Variants in NUP205 observed in about 807,000 individuals in gnomAD.
The protein encoded by NUP205 is nucleoporin 205, also known as nuclear pore complex protein Nup205.
In NUP205, 76 loss-of-function variants were observed where a neutral mutation model predicts 253.8. The ratio of observed to expected loss-of-function variants is 0.30; its 90% confidence interval spans 0.25 to 0.36. The LOEUF (loss-of-function observed/expected upper bound fraction) is 0.36. Among genes scored for constraint, NUP205 ranks in the 10% least tolerant of loss-of-function variants. The pLI, the probability that NUP205 is intolerant of heterozygous loss-of-function variation, is 1.00. For synonymous variants in NUP205, 832 were observed against 850.1 expected (o/e 0.98, Z 0.37); for missense variants, 2,162 against 2,425.5 (o/e 0.89, Z 2.28).
intron 1 of NUP205, among the ~76,000 whole-genome samples, chr7:135,558,429 A>C (rs938413554): frequency 1.3e-5 from 2 of 152,142 alleles, no homozygotes; most frequent in South Asian, 4.1e-4. Context: ...AATACTCCCT[A>C]TTATGAAGTC....
chr7:135,591,030 A>G (rs1290253635), intron 10 of NUP205, among the ~76,000 whole-genome samples: 2 of 152,174 alleles, frequency 1.3e-5, no homozygotes, highest in African/African-American at 4.8e-5. Flanking sequence ...TTGACCACAG[A>G]ACAGAATATG....
At chr7:135,647,631 C>T (rs4269479) in intron 42 of NUP205, among the ~76,000 whole-genome samples, 18,379 of 152,128 alleles carry the variant, frequency 0.12, 1,279 homozygotes, top group East Asian at 0.19. Flanking sequence ...GTGATTCTCC[C>T]GCCTCAGCAT....
intron 1 of NUP205, 71 bp from the exon 2 acceptor site, chr7:135,571,034 G>T: frequency 1.6e-6 from 2 of 1,247,954 alleles, no homozygotes; most frequent in Non-Finnish European, 2.2e-6. Context: ...AAAATGTGTG[G>T]ATGGTAACCT....
intron 40 of NUP205, 145 bp downstream of exon 40, chr7:135,645,163 TC>T (rs1794983453): frequency 1.1e-6 from 1 of 944,694 alleles, no homozygotes; most frequent in African/African-American, 1.6e-5. Context: ...TATTTCCAAA[TC>T]ATAGTTTTTG....
At chr7:135,585,440 T>G (rs2129490072) in intron 8 of NUP205, among the ~76,000 whole-genome samples, 1 of 152,290 alleles carries the variant, frequency 6.6e-6, no homozygotes. Context: ...GGGTAGAAAA[T>G]TACTAACCTC....
At chr7:135,579,242 T>A (rs1284135268) in intron 7 of NUP205, among the ~76,000 whole-genome samples, 1 of 151,892 alleles carries the variant, frequency 6.6e-6, no homozygotes, top group Non-Finnish European at 1.5e-5. Context: ...TTGCCCAGGC[T>A]GGAGTGCAAT....
chr7:135,587,980 C>T lies in NUP205; in HGVS notation c.1461C>T (p.Pro487=), dbSNP rs779026235. 5.6e-6 allele frequency: 9 copies of T among 1,612,612 alleles called. No individual in the cohort carries two copies. In the East Asian group the frequency reaches 2.0e-4, roughly 36 times the overall value. The part of the protein sequence containing the change: ...GSYLGVAHQR[P]PQRQVVLSKF... ...ATCTAGGGGTGGCTCATCAGCGGCC[C>T]CCTCAACGCCAGGTGAGTCTTTAGG... Residue 487 remains proline (P), a synonymous_variant, in exon 10 of 43, where the codon CCC becomes CCT. Transcript: ENST00000285968.
chr7:135,625,613 G>A (rs1300126389), intron 32 of NUP205, among the ~76,000 whole-genome samples: 1 of 152,184 alleles, frequency 6.6e-6, no homozygotes, highest in Non-Finnish European at 1.5e-5. Context: ...ATGACAGCCA[G>A]TGCTCCGTGA....
At position 135,622,777 on chromosome 7, in the gene NUP205, C is replaced by T. The variant is rs755797968; in HGVS notation, c.4331C>T (p.Ala1444Val). 1.2e-6 allele frequency: 2 copies of T among 1,612,492 alleles called. No homozygotes were observed. The highest frequency in any genetic ancestry group is 2.2e-5 in the South Asian group (2 of 91,018). Residue 1444 changes from alanine (A) to valine (V), a missense_variant and splice_region_variant, in exon 31 of 43, where the codon GCC (alanine) becomes GTC (valine). Around this residue, in one of 5 missense-constraint regions of NUP205, gnomAD observed 1,144 missense variants for 1,280.9 expected, o/e 0.89. Transcript: ENST00000285968. ...TTTTTTTCTGTTTTAATCCTTTTAG[C>T]CAAGAAAACCATGTGGGAAAGGCTG... ...RPDEPDTLEA[A>V]KKTMWERLTA...
rs768918342 is a variant in NUP205, at chr7:135,644,948, A to T, written c.5613A>T (p.Lys1871Asn). The change falls in exon 40 of 43, where the codon AAA becomes AAT. Residue 1871 changes from lysine (K) to asparagine (N), a missense_variant. By Grantham distance (94) the Lys-to-Asn change is moderately conservative. Coordinates refer to ENST00000285968, the MANE Select transcript of NUP205 (RefSeq NM_015135.3). Reference protein sequence around the residue: ...AGVDKISTAQKYVLARRRLVK... With the variant: ...AGVDKISTAQNYVLARRRLVK... ...TTGATAAAATCTCCACTGCTCAGAA[A>T]TATGTTCTAGCAAGACGGCGCTTGG... The T allele has an allele frequency of 1.9e-6, 3 of 1,614,168 alleles. No homozygotes were observed. In the Admixed American group the frequency reaches 5.0e-5, roughly 27 times the overall value.
chr7:135,589,763 C>T lies in NUP205; in HGVS notation c.1474-1687C>T, dbSNP rs374760423. Among the ~76,000 whole-genome samples the T allele has an allele frequency of 3.2e-4, 49 of 151,220 alleles. 3 individuals are homozygous for T. The East Asian group carries it at 4.8e-3, about 15-fold the overall frequency. Reference sequence around the variant, plus strand: ...CTGAGCAACATGGTGAACCCTGTCTCTACAAAAAATATTTTAAAAATTAGC... The same window carrying T: ...CTGAGCAACATGGTGAACCCTGTCTTTACAAAAAATATTTTAAAAATTAGC... On this transcript the variant is annotated intron_variant, in intron 10 of 42. Coordinates refer to ENST00000285968, the MANE Select transcript of NUP205 (RefSeq NM_015135.3).
chr7:135,580,166 C>T (rs1806265000), intron 7 of NUP205, among the ~76,000 whole-genome samples: 1 of 152,192 alleles, frequency 6.6e-6, no homozygotes, highest in South Asian at 2.1e-4. Context: ...AAAGTATCAA[C>T]AGATTCTAGT....
In NUP205 at chr7:135,614,511, T is replaced by G. The variant is rs138999625; in HGVS notation, c.3310+238T>G. On this transcript the variant is annotated intron_variant, in intron 23 of 42. Coordinates refer to ENST00000285968, the MANE Select transcript of NUP205 (RefSeq NM_015135.3). ...TTGATTCTCTTACAACAAATAAAAT[T>G]TAAAGATTGTGTTGAAGGGATTAGA... is the stretch of plus-strand genomic sequence containing the variant. Among the ~76,000 whole-genome samples the G allele has an allele frequency of 7.2e-5, 11 of 152,272 alleles. No individual in the cohort carries two copies. In the East Asian group the frequency reaches 1.9e-3, roughly 27 times the overall value.
At chr7:135,609,339 A>AT (rs1333892953) in intron 22 of NUP205, among the ~76,000 whole-genome samples, 1 of 151,524 alleles carries the variant, frequency 6.6e-6, no homozygotes, top group African/African-American at 2.4e-5. Context: ...TTAGCCGGGC[A>AT]TGGTGGCTGG....
At chr7:135,599,376 G>A (rs1793917094) in intron 15 of NUP205, among the ~76,000 whole-genome samples, 1 of 151,820 alleles carries the variant, frequency 6.6e-6, no homozygotes, top group African/African-American at 2.4e-5. Context: ...AATTGCATTA[G>A]AATTTTTGCT....
chr7:135,594,621 A>G lies in NUP205; in HGVS notation c.1905A>G (p.Gln635=), dbSNP rs145434488. 2.4e-5 allele frequency: 38 copies of G among 1,613,694 alleles called. No homozygotes were observed. In the African/African-American group the frequency reaches 4.5e-4, roughly 19 times the overall value. ...TTGTGGTGATTCTGGGACTCCTCCAATGCAGTATTCCCCCTGTCCTAAAAG... is the reference window on the plus strand; with the variant it reads ...TTGTGGTGATTCTGGGACTCCTCCAGTGCAGTATTCCCCCTGTCCTAAAAG... ...TPVVVILGLL[Q]CSIPPVLKAE... Residue 635 remains glutamine, a synonymous_variant, in exon 13 of 43, where the codon CAA becomes CAG. Coordinates refer to ENST00000285968, the MANE Select transcript of NUP205 (RefSeq NM_015135.3).
chr7:135,638,029 G>A lies in NUP205; in HGVS notation c.5235G>A (p.Lys1745=). 1 of 1,614,102 alleles carries A rather than the reference G, an allele frequency of 6.2e-7. No individual in the cohort carries two copies. The highest frequency in any genetic ancestry group is 8.5e-7 in the Non-Finnish European group (1 of 1,179,982). The change falls in exon 37 of 43, where the codon AAG becomes AAA. Residue 1745 remains lysine (K), a synonymous_variant. Transcript: ENST00000285968. ...DDNVEGDKVS[K]KDEIELAMQQ... ...ATGTGGAGGGAGATAAAGTAAGCAA[G>A]AAAGATGAGATTGAACTGGCTATGC... is the stretch of plus-strand genomic sequence containing the variant.
chr7:135,631,736 TTTTC>T (rs1554467211), intron 35 of NUP205, among the ~76,000 whole-genome samples: 3 of 147,586 alleles, frequency 2.0e-5, no homozygotes, highest in East Asian at 4.0e-4. Context: ...GTATTTTTTT[TTTTC>T]TTTCTTTCTT....
chr7:135,638,769 A>G (rs775634138), intron 38 of NUP205, 86 bp downstream of exon 38: 1 of 1,383,120 alleles, frequency 7.2e-7, no homozygotes, highest in Non-Finnish European at 1.0e-6. Context: ...AGTAAGATGC[A>G]GTATTTTCTT....
Sources: gnomAD v4.1 joint callset for allele counts (sites outside exome capture counted in the v4.1 genomes callset) on GRCh38, gnomAD v4.1.1 for gene constraint, gnomAD v4.1.1 regional missense constraint, MANE v1.5 for transcripts, NCBI Gene and HGNC (gene_info 2026-07-23, HGNC 2026-07-21) for gene names.